The following CTNNA3 variants were observed in gnomAD, a reference collection of about 807,000 sequenced individuals.
CTNNA3 encodes catenin alpha 3.
In CTNNA3, 76 loss-of-function variants were observed where a neutral mutation model predicts 95.7. That is an observed-to-expected ratio of 0.79 (90% confidence interval 0.66 to 0.96). The LOEUF (loss-of-function observed/expected upper bound fraction) is 0.96. CTNNA3 is among the 40% of genes least tolerant of loss of function. The pLI is 0.00. For synonymous variants in CTNNA3, 431 were observed against 374.4 expected (o/e 1.15, Z -1.74); for missense variants, 1,191 against 1,089.8 (o/e 1.09, Z -1.31).
intron 10 of CTNNA3, among the ~76,000 whole-genome samples, chr10:66,543,143 C>T (rs1294577905): frequency 1.3e-5 from 2 of 152,068 alleles, no homozygotes; most frequent in Admixed American, 6.6e-5. Context: ...GGCTAGAGTT[C>T]AATGGCGCAA....
intron 3 of CTNNA3, 63 bp downstream of exon 3, chr10:67,606,794 A>G: frequency 7.8e-7 from 1 of 1,287,054 alleles, no homozygotes; most frequent in Admixed American, 2.2e-5. Context: ...TCACAAATCT[A>G]ATTTGGGTGA....
intron 9 of CTNNA3, among the ~76,000 whole-genome samples, chr10:66,625,389 T>G (rs1844898196): frequency 6.6e-6 from 1 of 152,092 alleles, no homozygotes; most frequent in South Asian, 2.1e-4. Flanking sequence ...AAGTTCATTT[T>G]ATTTACTTAT....
At chr10:67,443,327 G>T (rs1424819347) in intron 5 of CTNNA3, among the ~76,000 whole-genome samples, 58 of 144,252 alleles carry the variant, frequency 4.0e-4, no homozygotes, top group African/African-American at 1.5e-3. Context: ...GGGATGGCTG[G>T]GTCAAATGGT....
intron 5 of CTNNA3, among the ~76,000 whole-genome samples, chr10:67,413,843 C>T (rs1845459066): frequency 6.6e-6 from 1 of 151,876 alleles, no homozygotes; most frequent in African/African-American, 2.4e-5. Context: ...CCTGGGTGAA[C>T]ATAGAAATTA....
intron 5 of CTNNA3, among the ~76,000 whole-genome samples, chr10:67,357,096 C>T (rs1842838115): frequency 6.6e-6 from 1 of 152,170 alleles, no homozygotes; most frequent in South Asian, 2.1e-4. Context: ...AGATATACAC[C>T]ACCATATCTA....
At chr10:66,089,711 A>T (rs2081138541) in intron 14 of CTNNA3, among the ~76,000 whole-genome samples, 1 of 151,546 alleles carries the variant, frequency 6.6e-6, no homozygotes, top group African/African-American at 2.4e-5. Flanking sequence ...TAATATTACA[A>T]GGTAGGTATT....
intron 11 of CTNNA3, among the ~76,000 whole-genome samples, chr10:66,476,668 C>T (rs933980159): frequency 1.3e-5 from 2 of 151,852 alleles, no homozygotes; most frequent in African/African-American, 4.8e-5. Flanking sequence ...TATATTTCAT[C>T]TTCATTTTAT....
chr10:67,161,141 T>C lies in CTNNA3; in HGVS notation c.1047+19176A>G, dbSNP rs375283242. On this transcript the variant is annotated intron_variant, in intron 7 of 17. Transcript: ENST00000433211. ...GTGCCTCTAGTTTTCATTTGATATA[T>C]TGTTCACTTAAAAATTTGTTAAGAT... Among the ~76,000 whole-genome samples, 16 of 152,286 alleles carry C rather than the reference T, an allele frequency of 1.1e-4. No individual in the cohort carries two copies. In the East Asian group the frequency reaches 1.4e-3, roughly 13 times the overall value.
intron 6 of CTNNA3, among the ~76,000 whole-genome samples, chr10:67,183,646 A>G (rs1321629346): frequency 6.6e-6 from 1 of 152,122 alleles, no homozygotes; most frequent in Non-Finnish European, 1.5e-5. Flanking sequence ...ATATGTAACT[A>G]ACCTGCATGT....
intron 1 of CTNNA3, among the ~76,000 whole-genome samples, chr10:67,726,415 A>C (rs1316407538): frequency 1.7e-5 from 1 of 58,972 alleles, no homozygotes; most frequent in East Asian, 5.4e-4. Flanking sequence ...TATCATATAT[A>C]ATATTATATA....
At chr10:66,713,305 A>G (rs925602952) in intron 9 of CTNNA3, among the ~76,000 whole-genome samples, 1 of 151,988 alleles carries the variant, frequency 6.6e-6, no homozygotes, top group African/African-American at 2.4e-5. Context: ...CATCTCTCCT[A>G]ATCACTGTGG....
At chr10:66,735,991 C>T (rs61866044) in intron 9 of CTNNA3, among the ~76,000 whole-genome samples, 4 of 152,192 alleles carry the variant, frequency 2.6e-5, no homozygotes, top group Admixed American at 2.6e-4. Flanking sequence ...TCCCATTTGG[C>T]GGCTGATCCT....
At position 67,561,921 on chromosome 10, in the gene CTNNA3, C is replaced by A. The variant is rs1008570417; in HGVS notation, c.293-22252G>T. On this transcript the variant is annotated intron_variant, in intron 3 of 17. Transcript: ENST00000433211. The stretch of plus-strand genomic sequence containing the variant: ...GGATAAATTCCTGGACACATACACC[C>A]TCCCAAGACTAAACCACGAAGAAGT... 4.8e-4 allele frequency among the ~76,000 whole-genome samples: 73 copies of A among 152,112 alleles called. 1 individual carries two copies. Among genetic ancestry groups the A allele is most frequent in the African/African-American group, 1.7e-3 (72 of 41,402 alleles).
chr10:66,215,736 G>A (rs901710621), intron 13 of CTNNA3, among the ~76,000 whole-genome samples: 1 of 152,148 alleles, frequency 6.6e-6, no homozygotes, highest in African/African-American at 2.4e-5. Context: ...ATGGAAGGAG[G>A]AGTGGAGTTT....
intron 7 of CTNNA3, among the ~76,000 whole-genome samples, chr10:67,000,919 A>G (rs1851647640): frequency 6.6e-6 from 1 of 152,198 alleles, no homozygotes. Flanking sequence ...GGGCTGACTC[A>G]GCAGCTTTCA....
At chr10:66,965,457 C>G (rs1421231105) in intron 7 of CTNNA3, among the ~76,000 whole-genome samples, 4 of 150,822 alleles carry the variant, frequency 2.7e-5, no homozygotes, top group African/African-American at 9.8e-5. Context: ...ATCGCTTGAA[C>G]TGGGGAGGCA....
intron 7 of CTNNA3, among the ~76,000 whole-genome samples, chr10:66,934,483 C>A (rs1231360980): frequency 6.6e-6 from 1 of 152,082 alleles, no homozygotes; most frequent in African/African-American, 2.4e-5. Context: ...AATATTAGGA[C>A]ATAAAACAAA....
intron 5 of CTNNA3, among the ~76,000 whole-genome samples, chr10:67,419,839 G>C (rs1845685002): frequency 6.6e-6 from 1 of 151,284 alleles, no homozygotes; most frequent in African/African-American, 2.4e-5. Context: ...ATGCACTAGT[G>C]TTCTTCCAGA....
At chr10:66,064,553 A>AC (rs1163481314) in intron 15 of CTNNA3, among the ~76,000 whole-genome samples, 3 of 151,800 alleles carry the variant, frequency 2.0e-5, no homozygotes, top group South Asian at 2.1e-4. Context: ...TTTAAATAAG[A>AC]CCCCCCAGGG....
Sources: gnomAD v4.1 joint callset for allele counts (sites outside exome capture counted in the v4.1 genomes callset) on GRCh38, gnomAD v4.1.1 for gene constraint, MANE v1.5 for transcripts, NCBI Gene and HGNC (gene_info 2026-07-23, HGNC 2026-07-21) for gene names.